NFE2L2: variants seen among roughly 807,000 people sequenced by gnomAD.
NFE2L2 encodes nuclear factor erythroid 2-related factor 2.
Under a neutral mutation model 49.6 loss-of-function variants are expected in NFE2L2, and 20 were observed. The observed-to-expected ratio is 0.40, with a 90% CI of 0.28 to 0.59. The LOEUF (loss-of-function observed/expected upper bound fraction) is 0.59, where lower values mean the gene tolerates loss of function less well. Among genes scored for constraint, NFE2L2 ranks in the 20% least tolerant of loss-of-function variants. The pLI is 0.40. For synonymous variants in NFE2L2, 244 were observed against 256.5 expected, an observed-to-expected ratio of 0.95 and a Z score of 0.47; for missense variants, 578 against 714.2, an observed-to-expected ratio of 0.81 and a Z score of 2.17.
At chr2:177,264,141 C>A (rs1181263705) in intron 1 of NFE2L2, among the ~76,000 whole-genome samples, 1 of 152,018 alleles carries the variant, frequency 6.6e-6, no homozygotes, top group Non-Finnish European at 1.5e-5. Context: ...CGGGCCGCGC[C>A]GGCTCAGACG....
intron 1 of NFE2L2, among the ~76,000 whole-genome samples, chr2:177,259,482 C>T (rs760769381): frequency 1.3e-5 from 2 of 152,148 alleles, no homozygotes; most frequent in Admixed American, 6.5e-5. Flanking sequence ...AATGATTAAA[C>T]GTGCCTCCCC....
Position 177,263,985 on chromosome 2 carries a change from G to C in NFE2L2, c.45+547C>G, listed in dbSNP as rs1038729731. 6.1e-6 allele frequency: 6 copies of C among 977,154 alleles called. No individual in the cohort carries two copies. In the Admixed American group the frequency reaches 1.8e-4, roughly 30 times the overall value. The allele number at this position is 977,154 out of a possible 1,614,324, so 60.5% of individuals were successfully genotyped here. On this transcript the variant is annotated intron_variant, in intron 1 of 4. Transcript: ENST00000397062. The stretch of plus-strand genomic sequence containing the variant: ...GGCCCAGCGGGGTGAGCGCGTCGCA[G>C]CCCGCACTCAAGGAGGTCTTGGGGC...
chr2:177,233,347 A>G lies in NFE2L2; in HGVS notation c.313-8T>C, dbSNP rs772398766. Reference sequence around the variant, plus strand: ...TTTGGGAATGTGGGCAACCTGATAAAAGGGAATGACACAAAGGAAAACAAA... The same window carrying G: ...TTTGGGAATGTGGGCAACCTGATAAGAGGGAATGACACAAAGGAAAACAAA... On this transcript the variant is annotated splice_polypyrimidine_tract_variant and splice_region_variant and intron_variant, in intron 2 of 4. Transcript: ENST00000397062. The G allele has an allele frequency of 3.5e-5, 57 of 1,606,266 alleles. No homozygotes were observed. Among genetic ancestry groups the G allele is most frequent in the Non-Finnish European group, 4.6e-5 (54 of 1,176,572 alleles).
intron 1 of NFE2L2, among the ~76,000 whole-genome samples, chr2:177,259,483 G>C (rs1445558640): frequency 6.6e-6 from 1 of 152,102 alleles, no homozygotes; most frequent in African/African-American, 2.4e-5. Context: ...ATGATTAAAC[G>C]TGCCTCCCCT....
At position 177,232,593 on chromosome 2, in the gene NFE2L2, A is replaced by G. The variant is rs200686306; in HGVS notation, c.403-10T>C. ...ACGTAGCCGAAGAAACCTAAAATTG[A>G]TAAGGCATTGATTTATGAGTCTTCC... On this transcript the variant is annotated splice_polypyrimidine_tract_variant and intron_variant, in intron 3 of 4. Coordinates refer to ENST00000397062, the MANE Select transcript of NFE2L2 (RefSeq NM_006164.5). 2 of 1,613,044 alleles carry G rather than the reference A, an allele frequency of 1.2e-6. No individual in the cohort carries two copies. The highest frequency in any genetic ancestry group is 1.7e-5 in the Admixed American group (1 of 59,994).
At chr2:177,238,486 C>T (rs1378759285) in intron 1 of NFE2L2, among the ~76,000 whole-genome samples, 1 of 152,148 alleles carries the variant, frequency 6.6e-6, no homozygotes, top group African/African-American at 2.4e-5. Flanking sequence ...TTTAATTATT[C>T]CATCCTACCC....
At chr2:177,233,158 T>C (rs1287179366) in intron 3 of NFE2L2, 92 bp downstream of exon 3, 12 of 1,056,336 alleles carry the variant, frequency 1.1e-5, no homozygotes, top group Non-Finnish European at 1.6e-5. Flanking sequence ...TTCTTTTAAA[T>C]GGAGATTCAT....
Position 177,235,718 on chromosome 2 carries a change from T to G in NFE2L2, c.46-1447A>C, listed in dbSNP as rs1291024087. On this transcript the variant is annotated intron_variant, in intron 1 of 4. Coordinates refer to ENST00000397062, the MANE Select transcript of NFE2L2 (RefSeq NM_006164.5). ...GATACGAGCCTGTAGTCCCAACTAT[T>G]AGGGAGACTGAAGTGAGAGGATTGC... Among the ~76,000 whole-genome samples, 3 of 152,032 alleles carry G rather than the reference T, an allele frequency of 2.0e-5. No individual in the cohort carries two copies. In the East Asian group the frequency reaches 5.8e-4, roughly 29 times the overall value.
intron 3 of NFE2L2, 60 bp downstream of exon 3, chr2:177,233,190 G>T: frequency 7.4e-7 from 1 of 1,348,398 alleles, no homozygotes; most frequent in Non-Finnish European, 1.0e-6. Flanking sequence ...ACATAGAATA[G>T]ATTGTTATTT....
At chr2:177,243,452 CCT>C in intron 1 of NFE2L2, among the ~76,000 whole-genome samples, 1 of 152,180 alleles carries the variant, frequency 6.6e-6, no homozygotes, top group Non-Finnish European at 1.5e-5. Flanking sequence ...GATCCTTTAC[CCT>C]CTCTTTTGAT....
chr2:177,242,911 T>G (rs572621800), intron 1 of NFE2L2, among the ~76,000 whole-genome samples: 21 of 139,906 alleles, frequency 1.5e-4, no homozygotes, highest in Admixed American at 2.9e-4. Context: ...TTTTTTTTTG[T>G]TTTTTTTTTG....
chr2:177,242,311 T>C (rs145790450), intron 1 of NFE2L2, among the ~76,000 whole-genome samples: 89 of 152,328 alleles, frequency 5.8e-4, no homozygotes, highest in Non-Finnish European at 9.4e-4. Context: ...CCTAGCAACA[T>C]GTTGTATACA....
At chr2:177,232,116 AATTT>A (rs752445382) in intron 4 of NFE2L2, 108 bp from the exon 5 acceptor site, 23 of 1,101,088 alleles carry the variant, frequency 2.1e-5, no homozygotes, top group Non-Finnish European at 2.6e-5. Context: ...TTATCTCTAT[AATTT>A]ATTATCTATA....
chr2:177,237,627 T>C (rs1226188936), intron 1 of NFE2L2, among the ~76,000 whole-genome samples: 2 of 152,200 alleles, frequency 1.3e-5, no homozygotes, highest in Non-Finnish European at 2.9e-5. Flanking sequence ...CAAGCAGTTC[T>C]CTCACCTCAG....
chr2:177,231,257 C>G lies in NFE2L2; in HGVS notation c.1346G>C (p.Arg449Pro). The G allele has an allele frequency of 1.2e-6, 2 of 1,614,178 alleles. No individual in the cohort carries two copies. The highest frequency in any genetic ancestry group is 1.7e-6 in the Non-Finnish European group (2 of 1,180,038). The change falls in exon 5 of 5, where the codon CGC (arginine) becomes CCC (proline). Residue 449 changes from arginine to proline, a missense_variant. Physicochemically the swap from Arg to Pro is moderately radical, Grantham distance 103 (BLOSUM62 -2). Coordinates refer to ENST00000397062, the MANE Select transcript of NFE2L2 (RefSeq NM_006164.5). Reference protein sequence around the residue: ...TPFTKDKHSSRLEAHLTRDEL... With the variant: ...TPFTKDKHSSPLEAHLTRDEL... Reference sequence around the variant, plus strand: ...ATCTCTTGTGAGATGAGCCTCCAAGCGGCTTGAATGTTTGTCTTTTGTGAA... The same window carrying G: ...ATCTCTTGTGAGATGAGCCTCCAAGGGGCTTGAATGTTTGTCTTTTGTGAA...
chr2:177,236,029 G>GA (rs1485623947), intron 1 of NFE2L2, among the ~76,000 whole-genome samples: 1 of 152,190 alleles, frequency 6.6e-6, no homozygotes, highest in African/African-American at 2.4e-5. Context: ...TTTGAGAATG[G>GA]AAAAAAATCA....
At chr2:177,237,222 G>A (rs79628357) in intron 1 of NFE2L2, among the ~76,000 whole-genome samples, 4,209 of 152,270 alleles carry the variant, frequency 0.028, 167 homozygotes, top group African/African-American at 0.084. Flanking sequence ...ACCAGAGGCT[G>A]CATGGGCCGA....
At chr2:177,260,118 A>T (rs1409563279) in intron 1 of NFE2L2, among the ~76,000 whole-genome samples, 1 of 152,258 alleles carries the variant, frequency 6.6e-6, no homozygotes, top group Non-Finnish European at 1.5e-5. Flanking sequence ...GTAGCAGTGA[A>T]ATTTCAATAG....
chr2:177,233,160 G>T (rs1371801749), intron 3 of NFE2L2, 90 bp downstream of exon 3: 2 of 1,055,982 alleles, frequency 1.9e-6, no homozygotes, highest in Non-Finnish European at 2.7e-6. Context: ...CTTTTAAATG[G>T]AGATTCATTG....
Sources: gnomAD v4.1 joint callset for allele counts (sites outside exome capture counted in the v4.1 genomes callset) on GRCh38, gnomAD v4.1.1 for gene constraint, MANE v1.5 for transcripts, NCBI Gene and HGNC (gene_info 2026-07-23, HGNC 2026-07-21) for gene names.